LARGE2: variants seen among roughly 807,000 people sequenced by gnomAD.
The protein encoded by LARGE2 is LARGE xylosyl- and glucuronyltransferase 2.
In LARGE2, 63 loss-of-function variants were observed where a neutral mutation model predicts 75.3. That is an observed-to-expected ratio of 0.84 (90% CI 0.68 to 1.03). The LOEUF (loss-of-function observed/expected upper bound fraction) is 1.03, where lower values mean the gene tolerates loss of function less well. Ranked by LOEUF, LARGE2 falls within the 50% of genes least tolerant of loss-of-function variation. LARGE2 has a pLI of 0.00. For synonymous variants in LARGE2, 428 were observed against 420.1 expected (o/e 1.02, Z -0.23); for missense variants, 925 against 980.6 (o/e 0.94, Z 0.76).
Position 45,927,310 on chromosome 11 carries a change from C to T in LARGE2, c.1326-5C>T. 1 of 1,611,524 alleles carries T rather than the reference C, an allele frequency of 6.2e-7. No individual in the cohort carries two copies. The highest frequency in any genetic ancestry group is 8.5e-7 in the Non-Finnish European group (1 of 1,179,268). On this transcript the variant is annotated splice_polypyrimidine_tract_variant and splice_region_variant and intron_variant, in intron 10 of 13. Transcript: ENST00000401752. ...AGAGCTGTGCTGACCTCCCTCTCCC[C>T]ATAGGCTGCAGATGTTGGAAGCCCT... is the stretch of plus-strand genomic sequence containing the variant.
chr11:45,922,384 C>T (rs1165808615), upstream of LARGE2, among the ~76,000 whole-genome samples: 1 of 152,098 alleles, frequency 6.6e-6, no homozygotes, highest in African/African-American at 2.4e-5. Context: ...GGGGAGGAGA[C>T]GCGGCCCCAG....
At chr11:45,927,801 T>C (rs1336182047) in intron 11 of LARGE2, 119 bp from the exon 12 acceptor site, 1 of 1,515,602 alleles carries the variant, frequency 6.6e-7, no homozygotes, top group Non-Finnish European at 9.1e-7. Flanking sequence ...TGCCCACCCG[T>C]CGCATCAGGC....
At chr11:45,926,951 C>T (rs963163733) in intron 10 of LARGE2, 80 bp downstream of exon 10, 2 of 1,414,610 alleles carry the variant, frequency 1.4e-6, no homozygotes, top group Non-Finnish European at 1.9e-6. Flanking sequence ...CATCTGGCAG[C>T]CTGATGCTGT....
At chr11:45,923,420 T>C in intron 2 of LARGE2, 53 bp from the exon 3 acceptor site, 1 of 1,545,906 alleles carries the variant, frequency 6.5e-7, no homozygotes, top group Non-Finnish European at 8.8e-7. Flanking sequence ...ACATGGGTCC[T>C]CACCGCCTAG....
chr11:45,927,105 G>A (rs890380124), intron 10 of LARGE2, among the ~76,000 whole-genome samples: 2 of 152,172 alleles, frequency 1.3e-5, no homozygotes, highest in African/African-American at 4.8e-5. Context: ...TCATATCTCT[G>A]GCCCCTAGTT....
Position 45,926,119 on chromosome 11 carries a change from C to T in LARGE2, c.850C>T (p.Leu284Phe), listed in dbSNP as rs763758022. The T allele has an allele frequency of 6.4e-7, 1 of 1,573,066 alleles. No individual in the cohort carries two copies. Among genetic ancestry groups the T allele is most frequent in the Non-Finnish European group, 8.6e-7 (1 of 1,159,364 alleles). ...MWRLTARREL[L>F]SLPATSLADQ... ...GAGGCTGACAGCCAGGCGGGAGCTC[C>T]TTAGCCTGCCTGCCACCTCACTGGC... Residue 284 changes from leucine (L) to phenylalanine (F), a missense_variant, in exon 7 of 14, where the codon CTT (leucine) becomes TTT (phenylalanine). By Grantham distance (22) the Leu-to-Phe change is conservative. Coordinates refer to ENST00000401752, the MANE Select transcript of LARGE2 (RefSeq NM_001300721.2).
intron 10 of LARGE2, 113 bp downstream of exon 10, chr11:45,926,984 A>C: frequency 8.8e-7 from 1 of 1,141,332 alleles, no homozygotes; most frequent in Non-Finnish European, 1.2e-6. Context: ...CCTGTCCCTC[A>C]GGGAGTTCCA....
Position 45,926,718 on chromosome 11 carries a change from A to C in LARGE2, c.1172A>C (p.Gln391Pro), listed in dbSNP as rs1451037503. Residue 391 changes from glutamine (Q) to proline (P), a missense_variant, in exon 10 of 14, where the codon CAG becomes CCG. By Grantham distance (76) the Gln-to-Pro change is moderately conservative. Transcript: ENST00000401752. ...CACCCCTTGCCCCCTCAGTTGCAGC[A>C]GGCCCTGGCACAACTGGACGAGGAA... is the stretch of plus-strand genomic sequence containing the variant. ...QPPPGAEQLQ[Q>P]ALAQLDEEDP... is the part of the protein sequence containing the mutation. 2 of 1,613,318 alleles carry C rather than the reference A, an allele frequency of 1.2e-6. No homozygotes were observed. Among genetic ancestry groups the C allele is most frequent in the East Asian group, 4.5e-5 (2 of 44,866 alleles).
chr11:45,922,696 G>C lies in LARGE2; in HGVS notation c.-95G>C, dbSNP rs2134709836. 1 of 401,196 alleles carries C rather than the reference G, an allele frequency of 2.5e-6. No homozygotes were observed. The highest frequency in any genetic ancestry group is 2.1e-5 in the African/African-American group (1 of 47,968). 24.9% of individuals were successfully genotyped at this position (401,196 alleles called of 1,614,324 possible). ...CCCGCACCCTGGCCGGCGGCTGCGA[G>C]CGCAGGGCCCAGCCCGGGAGCCGCT... is the stretch of plus-strand genomic sequence containing the variant. On this transcript the variant is annotated 5_prime_UTR_variant, in exon 1 of 14. Transcript: ENST00000401752.
rs2086987836 is a variant in LARGE2, at chr11:45,923,115, A to G, written c.233A>G (p.Asp78Gly). 2.9e-6 allele frequency: 4 copies of G among 1,386,362 alleles called. No individual in the cohort carries two copies. The highest frequency in any genetic ancestry group is 3.1e-5 in the East Asian group (1 of 32,422). The allele number at this position is 1,386,362 out of a possible 1,614,324, so 85.9% of individuals were successfully genotyped here. The change falls in exon 2 of 14, where the codon GAC becomes GGC. Residue 78 changes from aspartate (D) to glycine (G), a missense_variant. This residue lies in a region of LARGE2 where 453 missense variants were observed against 460.2 expected (regional missense o/e 0.98). Transcript: ENST00000401752. ...GGAGACCCGGGGGCCGGCCCCGGGG[A>G]CCACAACCGCTCCGACTGCGGCCCG... is the stretch of plus-strand genomic sequence containing the variant. ...LDGDPGAGPG[D>G]HNRSDCGPQP...
At position 45,928,235 on chromosome 11, in the gene LARGE2, C is replaced by T; in HGVS notation, c.1813C>T (p.Gln605Ter). 1.2e-6 allele frequency: 2 copies of T among 1,613,996 alleles called. No individual in the cohort carries two copies. Among genetic ancestry groups the T allele is most frequent in the Admixed American group, 1.7e-5 (1 of 60,028 alleles). Residue 605 changes from glutamine (Q) to a stop codon, truncating the protein, a stop_gained, in exon 13 of 14, where the codon CAG becomes TAG. Transcript: ENST00000401752. LOFTEE classifies it high-confidence loss of function. The part of the protein sequence containing the change: ...PTDYARWREA[Q>*]APYRVQWAAN... ...AGACTATGCCCGCTGGCGGGAGGCT[C>T]AGGCCCCGTACCGTGTGCAATGGGC...
chr11:45,922,805 GC>G lies in LARGE2; in HGVS notation c.-62-12del, dbSNP rs1376390005. ...CGCCCAGGGCTGAGTCTCCCATCTCGCCCCTCGGTCCGCAGGGCCTGCGATG... is the reference window on the plus strand; with the variant it reads ...CGCCCAGGGCTGAGTCTCCCATCTCGCCCTCGGTCCGCAGGGCCTGCGATG... On this transcript the variant is annotated splice_polypyrimidine_tract_variant and intron_variant, in intron 1 of 13. Coordinates refer to ENST00000401752, the MANE Select transcript of LARGE2 (RefSeq NM_001300721.2). 4.4e-6 allele frequency: 5 copies of G among 1,136,180 alleles called. No individual in the cohort carries two copies. Among genetic ancestry groups the G allele is most frequent in the Admixed American group, 8.6e-5 (2 of 23,148 alleles). The allele number at this position is 1,136,180 out of a possible 1,614,324, so 70.4% of individuals were successfully genotyped here.
chr11:45,925,973 A>G (rs1215853200), intron 6 of LARGE2, 66 bp from the exon 7 acceptor site: 3 of 1,390,492 alleles, frequency 2.2e-6, no homozygotes, highest in East Asian at 5.0e-5. Context: ...GGACACCTTC[A>G]TGACCCCCAT....
At chr11:45,924,465 C>A (rs757674462) in intron 4 of LARGE2, 41 bp from the exon 5 acceptor site, 54 of 1,598,478 alleles carry the variant, frequency 3.4e-5, no homozygotes, top group Non-Finnish European at 4.4e-5. Context: ...TGCTCATAGG[C>A]CCCTCTCTGC....
intron 2 of LARGE2, 106 bp from the exon 3 acceptor site, chr11:45,923,367 T>A: frequency 1.6e-6 from 2 of 1,223,260 alleles, no homozygotes; most frequent in Non-Finnish European, 2.3e-6. Context: ...TGCTGCCCCC[T>A]CCGCACACTG....
At position 45,923,566 on chromosome 11, in the gene LARGE2, G is replaced by C. The variant is rs749372021; in HGVS notation, c.368+11G>C. On this transcript the variant is annotated intron_variant, in intron 3 of 13. Coordinates refer to ENST00000401752, the MANE Select transcript of LARGE2 (RefSeq NM_001300721.2). Reference sequence around the variant, plus strand: ...CATGCTCTTCTACAGGTACAGCCAGGTGTCCGTGGAGGAGGGTCAGGAGTG... The same window carrying C: ...CATGCTCTTCTACAGGTACAGCCAGCTGTCCGTGGAGGAGGGTCAGGAGTG... 6.8e-6 allele frequency: 11 copies of C among 1,613,120 alleles called. No homozygotes were observed. The East Asian group carries it at 2.2e-4, about 33-fold the overall frequency.
chr11:45,926,948 C>T, intron 10 of LARGE2, 77 bp downstream of exon 10: 1 of 1,417,252 alleles, frequency 7.1e-7, no homozygotes, highest in South Asian at 1.4e-5. Flanking sequence ...TTCCATCTGG[C>T]AGCCTGATGC....
chr11:45,924,457 C>T, intron 4 of LARGE2, 49 bp from the exon 5 acceptor site: 1 of 1,593,880 alleles, frequency 6.3e-7, no homozygotes, highest in Non-Finnish European at 8.6e-7. Flanking sequence ...TGTTCTGGTG[C>T]TCATAGGCCC....
chr11:45,926,433 G>A lies in LARGE2; in HGVS notation c.1009-9G>A. The A allele has an allele frequency of 3.1e-6, 5 of 1,613,954 alleles. No homozygotes were observed. Among genetic ancestry groups the A allele is most frequent in the Non-Finnish European group, 3.4e-6 (4 of 1,179,992 alleles). On this transcript the variant is annotated splice_polypyrimidine_tract_variant and intron_variant, in intron 8 of 13. Coordinates refer to ENST00000401752, the MANE Select transcript of LARGE2 (RefSeq NM_001300721.2). ...GCTCCCATGGCCCCAACACCCTCCT[G>A]GGTCCCAGGTGATCCACTGGAACTC...
Sources: allele counts gnomAD v4.1 joint callset (sites outside exome capture counted in the v4.1 genomes callset), GRCh38; gene constraint gnomAD v4.1.1; regional missense constraint gnomAD v4.1.1; transcripts MANE v1.5; gene names NCBI Gene and HGNC (gene_info 2026-07-23, HGNC 2026-07-21).